The following C8orf34 variants were observed in gnomAD, a reference collection of about 807,000 sequenced individuals.
The protein encoded by C8orf34 is uncharacterized protein C8orf34.
A neutral mutation model predicts 68.3 loss-of-function variants in C8orf34; 65 were observed. That is an observed-to-expected ratio of 0.95 (90% CI 0.78 to 1.17). C8orf34 has a LOEUF of 1.17. Among genes scored for constraint, C8orf34 ranks in the 50% most tolerant of loss-of-function variants. The pLI is 0.00. For synonymous variants in C8orf34, 244 were observed against 241.2 expected, an observed-to-expected ratio of 1.01 and a Z score of -0.11; for missense variants, 664 against 655.4, an observed-to-expected ratio of 1.01 and a Z score of -0.14.
intron 5 of C8orf34, among the ~76,000 whole-genome samples, chr8:68,496,612 T>G (rs1272045620): frequency 6.6e-6 from 1 of 152,192 alleles, no homozygotes; most frequent in Non-Finnish European, 1.5e-5. Flanking sequence ...CTTGCCTCAC[T>G]AAGTACACCC....
Position 68,331,641 on chromosome 8 carries a change from C to G in C8orf34, c.327+302C>G. 1.7e-5 allele frequency: 8 copies of G among 460,028 alleles called. No homozygotes were observed. The South Asian group carries it at 1.8e-4, about 10-fold the overall frequency. 28.5% of individuals were successfully genotyped at this position (460,028 alleles called of 1,614,324 possible). The stretch of plus-strand genomic sequence containing the variant: ...GTCCTGCACCTCTCAGCTACATGTT[C>G]AGGACCCGGGCAGGCTGAGGCAGGC... On this transcript the variant is annotated intron_variant, in intron 1 of 13. Coordinates refer to ENST00000518698, the MANE Select transcript of C8orf34 (RefSeq NM_052958.4).
intron 8 of C8orf34, chr8:68,695,767 T>C (rs1820813832): frequency 6.6e-6 from 1 of 152,116 alleles, no homozygotes; most frequent in Non-Finnish European, 1.5e-5. Flanking sequence ...GGAGACACAC[T>C]TTGCACTGAA....
At chr8:68,516,639 T>TTTATTTATTTATTTAC (rs1814529434) in intron 5 of C8orf34, among the ~76,000 whole-genome samples, 1 of 151,632 alleles carries the variant, frequency 6.6e-6, no homozygotes, top group African/African-American at 2.4e-5. Context: ...TATTTATTTA[T>TTTATTTATTTATTTAC]TTATTTATTT....
upstream of C8orf34, chr8:68,330,859 C>G (rs1805540648): frequency 1.6e-6 from 1 of 606,268 alleles, no homozygotes; most frequent in South Asian, 2.7e-5. Flanking sequence ...GGCCCCTGTC[C>G]GCCCGCGTGC....
chr8:68,442,390 T>C (rs1810948288), intron 2 of C8orf34, among the ~76,000 whole-genome samples: 1 of 152,106 alleles, frequency 6.6e-6, no homozygotes, highest in Non-Finnish European at 1.5e-5. Flanking sequence ...ACTCTAGCAG[T>C]TCCCAGAAGT....
Position 68,575,396 on chromosome 8 carries a change from C to T in C8orf34, c.1105+42247C>T, listed in dbSNP as rs920406033. On this transcript the variant is annotated intron_variant, in intron 7 of 13. Coordinates refer to ENST00000518698, the MANE Select transcript of C8orf34 (RefSeq NM_052958.4). Reference sequence around the variant, plus strand: ...TATTGCAACATTTAGCTCTATAAACCGTCTAGTTTTCTAATCCTTCATACT... The same window carrying T: ...TATTGCAACATTTAGCTCTATAAACTGTCTAGTTTTCTAATCCTTCATACT... Among the ~76,000 whole-genome samples the T allele has an allele frequency of 2.6e-5, 4 of 151,936 alleles. No homozygotes were observed. In the South Asian group the frequency reaches 8.3e-4, roughly 32 times the overall value.
intron 7 of C8orf34, chr8:68,625,557 T>C: frequency 1.4e-6 from 1 of 697,772 alleles, no homozygotes; most frequent in East Asian, 2.7e-5. Flanking sequence ...AGCATGTGAA[T>C]TCCAAGAAAG....
intron 10 of C8orf34, among the ~76,000 whole-genome samples, chr8:68,748,755 G>A (rs1822596388): frequency 6.6e-6 from 1 of 152,208 alleles, no homozygotes; most frequent in South Asian, 2.1e-4. Flanking sequence ...TGGAGAGAAT[G>A]TGGAGAAATA....
rs1259241689 is a variant in C8orf34 at position 68,331,331 on chromosome 8, C to T, written c.319C>T (p.Leu107=). The T allele has an allele frequency of 1.4e-5, 21 of 1,536,312 alleles. No individual in the cohort carries two copies. The highest frequency in any genetic ancestry group is 1.7e-5 in the Non-Finnish European group (20 of 1,146,974). The change falls in exon 1 of 14, where the codon CTG becomes TTG. Residue 107 remains leucine (L), a synonymous_variant. Transcript: ENST00000518698. ...AYLEKNKIGP[L]FEELMTKLIT... Reference sequence around the variant, plus strand: ...CCTGGAGAAGAACAAGATCGGTCCCCTGTTTGAGGTAAGGCGCTGTGGAGG... The same window carrying T: ...CCTGGAGAAGAACAAGATCGGTCCCTTGTTTGAGGTAAGGCGCTGTGGAGG...
intron 1 of C8orf34, among the ~76,000 whole-genome samples, chr8:68,403,076 A>G (rs1809028848): frequency 6.6e-6 from 1 of 152,152 alleles, no homozygotes; most frequent in South Asian, 2.1e-4. Context: ...CAAATATCAA[A>G]TTACTTCTTG....
At chr8:68,344,934 TTGCTTCC>T (rs1563635176) in intron 1 of C8orf34, among the ~76,000 whole-genome samples, 1 of 152,076 alleles carries the variant, frequency 6.6e-6, no homozygotes, top group Non-Finnish European at 1.5e-5. Flanking sequence ...TATAAGTGTG[TTGCTTCC>T]AAATAATTAG....
chr8:68,567,546 A>C (rs1029141838), intron 7 of C8orf34, among the ~76,000 whole-genome samples: 1 of 121,406 alleles, frequency 8.2e-6, no homozygotes, highest in African/African-American at 3.0e-5. Flanking sequence ...TGATGTATCA[A>C]TTTTATCTTT....
chr8:68,772,944 C>T (rs969152037), intron 10 of C8orf34, among the ~76,000 whole-genome samples: 5 of 151,178 alleles, frequency 3.3e-5, no homozygotes, highest in African/African-American at 4.9e-5. Flanking sequence ...TTTCCTCCTT[C>T]ACATGCTCCT....
At chr8:68,619,126 G>A (rs1818313860) in intron 7 of C8orf34, among the ~76,000 whole-genome samples, 1 of 152,026 alleles carries the variant, frequency 6.6e-6, no homozygotes, top group Admixed American at 6.6e-5. Context: ...TCAGGAGTTT[G>A]AGACCAGCCT....
chr8:68,615,822 A>G (rs1818191536), intron 7 of C8orf34, among the ~76,000 whole-genome samples: 1 of 151,846 alleles, frequency 6.6e-6, no homozygotes, highest in Admixed American at 6.6e-5. Flanking sequence ...GTTAGGGAGG[A>G]TTCCCTCTTT....
At chr8:68,654,553 A>C (rs1163971766) in intron 8 of C8orf34, among the ~76,000 whole-genome samples, 1 of 152,188 alleles carries the variant, frequency 6.6e-6, no homozygotes, top group African/African-American at 2.4e-5. Context: ...TATAATCTTC[A>C]AAATTTATAA....
chr8:68,692,403 C>G (rs1418237013), intron 8 of C8orf34, among the ~76,000 whole-genome samples: 1 of 151,942 alleles, frequency 6.6e-6, no homozygotes. Context: ...GACAGATTAA[C>G]AGGAGAAAAA....
intron 8 of C8orf34, among the ~76,000 whole-genome samples, chr8:68,691,832 C>A (rs1451854922): frequency 6.6e-6 from 1 of 152,008 alleles, no homozygotes; most frequent in Non-Finnish European, 1.5e-5. Context: ...AAACCAACAT[C>A]AATGTCAAAT....
At position 68,437,573 on chromosome 8, in the gene C8orf34, C is replaced by A. The variant is rs149633877; in HGVS notation, c.328-1926C>A. On this transcript the variant is annotated intron_variant, in intron 1 of 13. Coordinates refer to ENST00000518698, the MANE Select transcript of C8orf34 (RefSeq NM_052958.4). ...TTAGATTGCATTCCACAGATGTATA[C>A]TTATGATTTAACTGAACTCTACATT... Among the ~76,000 whole-genome samples the A allele has an allele frequency of 7.6e-3, 1,161 of 152,218 alleles. 15 individuals are homozygous for A. The highest frequency in any genetic ancestry group is 0.025 in the African/African-American group (1,057 of 41,544).
Sources: allele counts gnomAD v4.1 joint callset (sites outside exome capture counted in the v4.1 genomes callset), GRCh38; gene constraint gnomAD v4.1.1; transcripts MANE v1.5; gene names NCBI Gene and HGNC (gene_info 2026-07-23, HGNC 2026-07-21).